PRRX1: variants seen among roughly 807,000 people sequenced by gnomAD.
PRRX1 encodes paired related homeobox 1.
A neutral mutation model predicts 24.0 loss-of-function variants in PRRX1; 8 were observed. That is an observed-to-expected ratio of 0.33 (90% confidence interval 0.20 to 0.60). The LOEUF (loss-of-function observed/expected upper bound fraction) is 0.60. PRRX1 is among the 20% of genes least tolerant of loss of function. The probability of loss-of-function intolerance (pLI) is 0.82; values close to 1 mark genes in which losing one functional copy is unlikely to be tolerated. For missense variants in PRRX1, 281 were observed against 322.4 expected, an observed-to-expected ratio of 0.87 and a Z score of 0.98; for synonymous variants, 160 against 131.7, an observed-to-expected ratio of 1.22 and a Z score of -1.47.
intron 3 of PRRX1, among the ~76,000 whole-genome samples, chr1:170,729,212 G>A (rs573848923): frequency 6.6e-6 from 1 of 152,182 alleles, no homozygotes; most frequent in Non-Finnish European, 1.5e-5. Flanking sequence ...AGTAAAAAAA[G>A]TATAAGATTG....
In PRRX1 at chr1:170,664,310, A is replaced by T. The variant is rs1315825158; in HGVS notation, c.92A>T (p.Lys31Ile). 6.2e-7 allele frequency: 1 copy of T among 1,613,848 alleles called. No homozygotes were observed. The highest frequency in any genetic ancestry group is 1.1e-5 in the South Asian group (1 of 90,978). Residue 31 changes from lysine (K) to isoleucine (I), a missense_variant, in exon 1 of 4, where the codon AAA (lysine) becomes ATA (isoleucine). By Grantham distance (102) the Lys-to-Ile change is moderately radical. Transcript: ENST00000239461. ...GGCAACCTCGACACCCTGCAGGCGA[A>T]AAAGAACTTCTCCGTCAGTCACCTG... ...SPGNLDTLQA[K>I]KNFSVSHLLD...
intron 1 of PRRX1, among the ~76,000 whole-genome samples, chr1:170,682,714 G>A (rs1653596105): frequency 6.6e-6 from 1 of 151,922 alleles, no homozygotes; most frequent in South Asian, 2.1e-4. Flanking sequence ...TAAACACGTT[G>A]CTTTTTCTCC....
rs137921889 is a variant in PRRX1, at chr1:170,723,533, G to A, written c.418-2687G>A. Among the ~76,000 whole-genome samples, 159 of 151,830 alleles carry A rather than the reference G, an allele frequency of 1.0e-3. 1 individual carries two copies. Among genetic ancestry groups the A allele is most frequent in the African/African-American group, 3.6e-3 (150 of 41,104 alleles). On this transcript the variant is annotated intron_variant, in intron 2 of 3. Transcript: ENST00000239461. ...TGCTCCATAAAGATTTCTTGAATGA[G>A]TAAATGAATGAGTAGAATTCCATAG...
At chr1:170,696,978 G>A (rs1654191136) in intron 1 of PRRX1, among the ~76,000 whole-genome samples, 1 of 152,170 alleles carries the variant, frequency 6.6e-6, no homozygotes, top group African/African-American at 2.4e-5. Flanking sequence ...GATTTTTGGA[G>A]GAGGTCATCT....
In PRRX1 at chr1:170,726,333, G is replaced by C; in HGVS notation, c.531G>C (p.Gln177His). ...SYSGDVTAVE[Q>H]PIVPRPAPRP... ...CAGGAGACGTGACTGCTGTGGAGCA[G>C]CCCATCGTACCTCGTCCTGCTCCGA... Residue 177 changes from glutamine to histidine, a missense_variant, in exon 3 of 4, where the codon CAG (glutamine) becomes CAC (histidine). Gln to His is a conservative substitution (Grantham distance 24). Transcript: ENST00000239461. The C allele has an allele frequency of 1.9e-6, 3 of 1,614,072 alleles. No individual in the cohort carries two copies. The highest frequency in any genetic ancestry group is 2.5e-6 in the Non-Finnish European group (3 of 1,179,992).
At chr1:170,733,312 T>TC (rs1048546179) in intron 3 of PRRX1, among the ~76,000 whole-genome samples, 6 of 152,020 alleles carry the variant, frequency 3.9e-5, no homozygotes, top group African/African-American at 1.4e-4. Context: ...TAAAATAATC[T>TC]CCCCAAGGTT....
rs1655690305 is a variant in PRRX1, at chr1:170,738,359, T to G, written c.*2173T>G. ...TTCAAATGTTGATTCTGTAGTTCTT[T>G]AAATAATAATGAAGCTCATCTTATA... On this transcript the variant is annotated 3_prime_UTR_variant, in exon 4 of 4. Coordinates refer to ENST00000239461, the MANE Select transcript of PRRX1 (RefSeq NM_022716.4). The G allele has an allele frequency of 4.4e-6, 1 of 225,286 alleles. No homozygotes were observed. The highest frequency in any genetic ancestry group is 1.8e-4 in the South Asian group (1 of 5,470). The allele number at this position is 225,286 out of a possible 1,614,324, so 14.0% of individuals were successfully genotyped here.
intron 1 of PRRX1, among the ~76,000 whole-genome samples, chr1:170,676,998 C>A (rs1653344467): frequency 6.6e-6 from 1 of 152,140 alleles, no homozygotes; most frequent in Non-Finnish European, 1.5e-5. Flanking sequence ...GGGCTAAATG[C>A]ATGTGAGTTG....
chr1:170,706,486 T>G (rs1461919758), intron 1 of PRRX1, among the ~76,000 whole-genome samples: 1 of 152,192 alleles, frequency 6.6e-6, no homozygotes, highest in Non-Finnish European at 1.5e-5. Flanking sequence ...AGTTACATTC[T>G]CAAGATCACA....
At chr1:170,730,139 GAA>G (rs942274847) in intron 3 of PRRX1, 1 of 814,500 alleles carries the variant, frequency 1.2e-6, no homozygotes, top group Admixed American at 1.7e-5. Context: ...AGTGATGAGT[GAA>G]AGAGAGGTCA....
At chr1:170,691,441 A>ATTTCCTTTCC (rs60341193) in intron 1 of PRRX1, among the ~76,000 whole-genome samples, 2,810 of 71,704 alleles carry the variant, frequency 0.039, 160 homozygotes, top group Non-Finnish European at 0.046. Flanking sequence ...CTTTCCTTCC[A>ATTTCCTTTCC]TTTCCTTTCC....
intron 2 of PRRX1, among the ~76,000 whole-genome samples, chr1:170,720,998 G>T (rs1358303251): frequency 6.6e-6 from 1 of 152,082 alleles, no homozygotes; most frequent in Non-Finnish European, 1.5e-5. Flanking sequence ...TCTTCATTTT[G>T]CAGATGAGAA....
chr1:170,667,203 G>A (rs1652967562), intron 1 of PRRX1, among the ~76,000 whole-genome samples: 1 of 152,132 alleles, frequency 6.6e-6, no homozygotes, highest in Non-Finnish European at 1.5e-5. Context: ...ATGATCAAGA[G>A]ACAGCTTCCG....
chr1:170,667,675 G>T (rs1652990290), intron 1 of PRRX1: 1 of 152,128 alleles, frequency 6.6e-6, no homozygotes, highest in Admixed American at 6.5e-5. Context: ...AAGGGACTCA[G>T]GGATGAAACC....
intron 1 of PRRX1, among the ~76,000 whole-genome samples, chr1:170,679,808 G>A (rs1653449753): frequency 6.6e-6 from 1 of 152,166 alleles, no homozygotes; most frequent in African/African-American, 2.4e-5. Flanking sequence ...CATGGATGAT[G>A]TTTGCAATTT....
chr1:170,713,698 T>C (rs947456667), intron 1 of PRRX1, among the ~76,000 whole-genome samples: 6 of 152,208 alleles, frequency 3.9e-5, no homozygotes, highest in African/African-American at 1.4e-4. Context: ...TTCACACTTC[T>C]TAGAGCATTT....
chr1:170,701,514 A>G (rs1483213018), intron 1 of PRRX1, among the ~76,000 whole-genome samples: 2 of 152,164 alleles, frequency 1.3e-5, no homozygotes, highest in African/African-American at 2.4e-5. Context: ...TTCCATTTCT[A>G]CTCAGGCCAA....
chr1:170,679,616 G>A (rs1391431502), intron 1 of PRRX1, among the ~76,000 whole-genome samples: 1 of 152,100 alleles, frequency 6.6e-6, no homozygotes, highest in Non-Finnish European at 1.5e-5. Context: ...AGCCAGGATG[G>A]TCTCGATCTC....
chr1:170,702,962 C>T (rs1654439248), intron 1 of PRRX1, among the ~76,000 whole-genome samples: 1 of 152,176 alleles, frequency 6.6e-6, no homozygotes, highest in Admixed American at 6.5e-5. Context: ...ACCATTTGAT[C>T]AAGAGAAGAA....
Sources: allele counts gnomAD v4.1 joint callset (sites outside exome capture counted in the v4.1 genomes callset), GRCh38; gene constraint gnomAD v4.1.1; transcripts MANE v1.5; gene names NCBI Gene and HGNC (gene_info 2026-07-23, HGNC 2026-07-21).